Variants in TRPC5 observed in about 807,000 individuals in gnomAD.
TRPC5 encodes the protein short transient receptor potential channel 5.
In TRPC5, 9 loss-of-function variants were observed where a neutral mutation model predicts 56.5. That is an observed-to-expected ratio of 0.16 (90% CI 0.10 to 0.28). The LOEUF (loss-of-function observed/expected upper bound fraction) is 0.28, where lower values mean the gene tolerates loss of function less well. TRPC5 is among the 10% of genes least tolerant of loss of function. The probability of loss-of-function intolerance (pLI) is 1.00; values close to 1 mark genes in which losing one functional copy is unlikely to be tolerated. For synonymous variants in TRPC5, 282 were observed against 278.5 expected (o/e 1.01, Z -0.13); for missense variants, 469 against 748.9 (o/e 0.63, Z 4.36).
intron 1 of TRPC5, among the ~76,000 whole-genome samples, chrX:111,997,565 G>T (rs1056565217): frequency 1.8e-5 from 2 of 111,169 alleles, no homozygotes; most frequent in African/African-American, 6.5e-5. Context: ...AGTTCTCCTG[G>T]ATAATATCCT....
intron 3 of TRPC5, among the ~76,000 whole-genome samples, chrX:111,856,443 G>T (rs1366868949): frequency 1.8e-5 from 2 of 108,181 alleles, no homozygotes; most frequent in Non-Finnish European, 1.9e-5. Context: ...GGTGGCTGAA[G>T]CAAGAGAATC....
intron 2 of TRPC5, among the ~76,000 whole-genome samples, chrX:111,918,233 G>T (rs1293860286): frequency 9.0e-6 from 1 of 111,524 alleles, no homozygotes. Flanking sequence ...TTGAATGGAG[G>T]TGTTAGTAGT....
chrX:112,028,428 C>T (rs1929483110), intron 1 of TRPC5, among the ~76,000 whole-genome samples: 1 of 111,242 alleles, frequency 9.0e-6, no homozygotes, highest in East Asian at 2.8e-4. Context: ...CTCCCCCAGG[C>T]CCCCACCCCA....
At chrX:111,890,799 C>G (rs867055257) in intron 3 of TRPC5, among the ~76,000 whole-genome samples, 1 of 111,612 alleles carries the variant, frequency 9.0e-6, no homozygotes, top group Non-Finnish European at 1.9e-5. Context: ...GTTTGTTTTA[C>G]AGATTATTTT....
intron 3 of TRPC5, among the ~76,000 whole-genome samples, chrX:111,866,991 G>T (rs1011211191): frequency 3.6e-5 from 4 of 111,993 alleles, no homozygotes; most frequent in African/African-American, 1.3e-4. Context: ...GTGGGAGAGG[G>T]TCATCGCAAG....
intron 7 of TRPC5, among the ~76,000 whole-genome samples, chrX:111,811,078 C>T (rs1196969121): frequency 8.9e-6 from 1 of 111,890 alleles, no homozygotes; most frequent in Non-Finnish European, 1.9e-5. Context: ...CTTTCTTCCC[C>T]TGAAGAAGAT....
intron 2 of TRPC5, among the ~76,000 whole-genome samples, chrX:111,948,752 A>C (rs1001804091): frequency 9.1e-6 from 1 of 109,835 alleles, no homozygotes; most frequent in Admixed American, 9.7e-5. Flanking sequence ...AAAAAGAAAA[A>C]AAGTGGAAAG....
chrX:111,965,213 C>A (rs1927525426), intron 1 of TRPC5, among the ~76,000 whole-genome samples: 1 of 111,231 alleles, frequency 9.0e-6, no homozygotes, highest in Non-Finnish European at 1.9e-5. Flanking sequence ...CAACAAAGAT[C>A]AAAGAGACAA....
rs138402530 is a variant in TRPC5, at chrX:111,955,443, G to A, written c.-21-3002C>T. On this transcript the variant is annotated intron_variant, in intron 1 of 10. Coordinates refer to ENST00000262839, the MANE Select transcript of TRPC5 (RefSeq NM_012471.3). Reference sequence around the variant, plus strand: ...GCAATGTCTGGCTAAAAGAATGCGGGTGAAGTGATGGAGGGTAAAGGAGAG... The same window carrying A: ...GCAATGTCTGGCTAAAAGAATGCGGATGAAGTGATGGAGGGTAAAGGAGAG... 6.6e-3 allele frequency among the ~76,000 whole-genome samples: 742 copies of A among 112,155 alleles called. 7 individuals carry two copies. Among genetic ancestry groups the A allele is most frequent in the African/African-American group, 0.023 (712 of 30,893 alleles).
intron 1 of TRPC5, among the ~76,000 whole-genome samples, chrX:112,007,077 A>T (rs1928864038): frequency 9.0e-6 from 1 of 110,671 alleles, no homozygotes; most frequent in South Asian, 3.9e-4. Context: ...AGTGGCATAG[A>T]TAAGGTCTAG....
chrX:112,025,264 A>G (rs988585541), intron 1 of TRPC5, among the ~76,000 whole-genome samples: 2 of 112,116 alleles, frequency 1.8e-5, no homozygotes, highest in Non-Finnish European at 3.8e-5. Flanking sequence ...AAAATTTGGT[A>G]TTTTATCTCT....
In TRPC5 at chrX:111,776,320, C is replaced by A. The variant is rs779338255; in HGVS notation, c.2915G>T (p.Arg972Leu). 8.6e-7 allele frequency: 1 copy of A among 1,167,426 alleles called. No homozygotes were observed. Among genetic ancestry groups the A allele is most frequent in the Admixed American group, 2.5e-5 (1 of 39,534 alleles). ...AGATGATTAGGGCTTGACTTAGAGG[C>A]GAGTTGTAACTTGTTCTTCCTGTCC... ...GDGQEEQVTTRL is the reference protein window; with the variant it reads ...GDGQEEQVTTLL Residue 972 changes from arginine to leucine, a missense_variant, in exon 11 of 11, where the codon CGC becomes CTC. Arg to Leu is a moderately radical substitution (Grantham distance 102). Around this residue, in one of 3 missense-constraint regions of TRPC5, gnomAD observed 194 missense variants for 221.8 expected, o/e 0.87. Coordinates refer to ENST00000262839, the MANE Select transcript of TRPC5 (RefSeq NM_012471.3).
At position 111,862,308 on chromosome X, in the gene TRPC5, C is replaced by T. The variant is rs760157246; in HGVS notation, c.901-8202G>A. 4.5e-5 allele frequency among the ~76,000 whole-genome samples: 5 copies of T among 111,566 alleles called. No homozygotes were observed. In the South Asian group the frequency reaches 1.1e-3, roughly 25 times the overall value. On this transcript the variant is annotated intron_variant, in intron 3 of 10. Transcript: ENST00000262839. ...TCTTCCCTTATTGTTTTTTTATTTT[C>T]CCCAACTTTGGGAACTAAAATCTCT... is the stretch of plus-strand genomic sequence containing the variant.
intron 3 of TRPC5, among the ~76,000 whole-genome samples, chrX:111,893,781 CCTA>C: frequency 8.9e-6 from 1 of 111,794 alleles, no homozygotes; most frequent in Non-Finnish European, 1.9e-5. Context: ...AATGTCAGAT[CCTA>C]TAACAGGCAA....
chrX:112,044,724 T>C (rs1364176824), intron 1 of TRPC5, among the ~76,000 whole-genome samples: 1 of 112,149 alleles, frequency 8.9e-6, no homozygotes, highest in African/African-American at 3.2e-5. Context: ...AAATTCTGTG[T>C]GATTTCTCAC....
intron 1 of TRPC5, among the ~76,000 whole-genome samples, chrX:112,035,858 C>T (rs919549175): frequency 3.7e-5 from 4 of 109,395 alleles, no homozygotes; most frequent in African/African-American, 1.3e-4. Flanking sequence ...GTCTCGATCT[C>T]GGTCTCGTGA....
intron 1 of TRPC5, among the ~76,000 whole-genome samples, chrX:112,079,037 C>T (rs1414660761): frequency 3.6e-5 from 4 of 112,024 alleles, no homozygotes; most frequent in African/African-American, 1.3e-4. Flanking sequence ...CAAACTTTGT[C>T]ATACCTTTCC....
At chrX:111,905,914 C>CAAAAAAAAAAAAA (rs1202912083) in intron 3 of TRPC5, among the ~76,000 whole-genome samples, 21 of 37,003 alleles carry the variant, frequency 5.7e-4, no homozygotes, top group African/African-American at 2.5e-3. Context: ...GTCTCTGTCT[C>CAAAAAAAAAAAAA]AAAAAAAAAA....
chrX:111,857,509 T>G (rs989357817), intron 3 of TRPC5, among the ~76,000 whole-genome samples: 3 of 112,461 alleles, frequency 2.7e-5, no homozygotes, highest in African/African-American at 9.7e-5. Context: ...TTTTTAAGAC[T>G]GTCAAATTAG....
Sources: gnomAD v4.1 joint callset for allele counts (sites outside exome capture counted in the v4.1 genomes callset) on GRCh38, gnomAD v4.1.1 for gene constraint, gnomAD v4.1.1 regional missense constraint, MANE v1.5 for transcripts, NCBI Gene and HGNC (gene_info 2026-07-23, HGNC 2026-07-21) for gene names.